Variants in EPHA5 observed in about 807,000 individuals in gnomAD.
The protein encoded by EPHA5 is ephrin type-A receptor 5.
A neutral mutation model predicts 105.0 loss-of-function variants in EPHA5; 60 were observed. The ratio of observed to expected loss-of-function variants is 0.57; its 90% CI spans 0.46 to 0.71. EPHA5 has a LOEUF of 0.71. Ranked by LOEUF, EPHA5 falls within the 30% of genes least tolerant of loss-of-function variation. The probability of loss-of-function intolerance (pLI) is 0.00; values close to 1 mark genes in which losing one functional copy is unlikely to be tolerated. For synonymous variants in EPHA5, 513 were observed against 449.1 expected (o/e 1.14, Z -1.80); for missense variants, 1,218 against 1,274.7 (o/e 0.96, Z 0.68).
At chr4:65,503,326 AGG>A (rs1560616079) in intron 3 of EPHA5, among the ~76,000 whole-genome samples, 1 of 151,674 alleles carries the variant, frequency 6.6e-6, no homozygotes, top group African/African-American at 2.4e-5. Context: ...AGTTGTTATT[AGG>A]TTAAAACATT....
chr4:65,465,632 CA>C (rs1205537317), intron 5 of EPHA5, among the ~76,000 whole-genome samples: 1 of 151,672 alleles, frequency 6.6e-6, no homozygotes, highest in Non-Finnish European at 1.5e-5. Flanking sequence ...AAGAGCTCAC[CA>C]AACAAAAAGC....
intron 12 of EPHA5, 99 bp from the exon 13 acceptor site, chr4:65,351,697 G>A (rs1019222625): frequency 4.9e-6 from 5 of 1,029,718 alleles, no homozygotes; most frequent in South Asian, 4.6e-5. Context: ...ACTATCAGTC[G>A]CTAAAATTCA....
intron 7 of EPHA5, among the ~76,000 whole-genome samples, chr4:65,407,664 TTTTG>T (rs1234934981): frequency 5.3e-5 from 8 of 151,156 alleles, no homozygotes; most frequent in African/African-American, 1.9e-4. Flanking sequence ...AAGAATATAT[TTTTG>T]TTTATTATTT....
chr4:65,326,609 A>C (rs573013358), intron 16 of EPHA5, among the ~76,000 whole-genome samples: 1 of 151,428 alleles, frequency 6.6e-6, no homozygotes, highest in Admixed American at 6.6e-5. Context: ...TTCACTAGCA[A>C]ACTGGATCAC....
intron 3 of EPHA5, among the ~76,000 whole-genome samples, chr4:65,541,854 C>A (rs1055017916): frequency 7.9e-5 from 12 of 152,108 alleles, no homozygotes; most frequent in African/African-American, 2.6e-4. Context: ...AAACACTCCT[C>A]AGCAAATGCA....
intron 15 of EPHA5, among the ~76,000 whole-genome samples, chr4:65,333,406 A>G (rs1245092471): frequency 6.6e-6 from 1 of 151,512 alleles, no homozygotes; most frequent in African/African-American, 2.4e-5. Flanking sequence ...CACTTTTCAA[A>G]CTACAAAATG....
intron 1 of EPHA5, among the ~76,000 whole-genome samples, chr4:65,657,565 G>T (rs1382270015): frequency 6.6e-6 from 1 of 152,026 alleles, no homozygotes; most frequent in South Asian, 2.1e-4. Flanking sequence ...AACTCGCTTT[G>T]GTTGGCAAAT....
At chr4:65,649,237 C>T (rs938663979) in intron 1 of EPHA5, among the ~76,000 whole-genome samples, 1 of 152,170 alleles carries the variant, frequency 6.6e-6, no homozygotes, top group Non-Finnish European at 1.5e-5. Flanking sequence ...TAGTAACAGA[C>T]CATGAGCACT....
intron 3 of EPHA5, among the ~76,000 whole-genome samples, chr4:65,521,987 T>A (rs1329861177): frequency 1.3e-5 from 2 of 151,982 alleles, no homozygotes; most frequent in African/African-American, 4.8e-5. Context: ...ACTTTTCCCT[T>A]CACTTTACAT....
chr4:65,421,982 C>T lies in EPHA5; in HGVS notation c.1403-1417G>A, dbSNP rs371531262. Among the ~76,000 whole-genome samples, 14 of 152,162 alleles carry T rather than the reference C, an allele frequency of 9.2e-5. No homozygotes were observed. In the East Asian group the frequency reaches 2.7e-3, roughly 29 times the overall value. On this transcript the variant is annotated intron_variant, in intron 5 of 16. Transcript: ENST00000613740. The stretch of plus-strand genomic sequence containing the variant: ...TTAATCAGTTCTTCAATAAAATAAT[C>T]ATTTGTGGGTAAAGACAACAAATAA...
At chr4:65,533,893 A>G (rs1736053143) in intron 3 of EPHA5, among the ~76,000 whole-genome samples, 2 of 151,938 alleles carry the variant, frequency 1.3e-5, no homozygotes, top group East Asian at 1.9e-4. Context: ...GAGATCCCTC[A>G]TTGCACTCCA....
At chr4:65,380,472 T>C (rs937430560) in intron 8 of EPHA5, among the ~76,000 whole-genome samples, 1 of 151,688 alleles carries the variant, frequency 6.6e-6, no homozygotes, top group Non-Finnish European at 1.5e-5. Flanking sequence ...TGATTATTCA[T>C]CTAGGGAAGG....
chr4:65,506,410 C>T (rs1192835948), intron 3 of EPHA5, among the ~76,000 whole-genome samples: 2 of 145,476 alleles, frequency 1.4e-5, no homozygotes, highest in African/African-American at 5.1e-5. Flanking sequence ...TTCTAGATCC[C>T]TGAGGAATCG....
At chr4:65,421,000 A>G (rs1268785753) in intron 5 of EPHA5, among the ~76,000 whole-genome samples, 1 of 152,050 alleles carries the variant, frequency 6.6e-6, no homozygotes, top group Non-Finnish European at 1.5e-5. Flanking sequence ...TTGAAATTAC[A>G]TGGATCCTAA....
At chr4:65,407,329 G>A (rs79427016) in intron 7 of EPHA5, among the ~76,000 whole-genome samples, 2,528 of 152,116 alleles carry the variant, frequency 0.017, 59 homozygotes, top group African/African-American at 0.057. Context: ...TAAAAACAGA[G>A]TAACTTCAGA....
At chr4:65,613,045 T>C (rs1744918003) in intron 2 of EPHA5, among the ~76,000 whole-genome samples, 1 of 152,130 alleles carries the variant, frequency 6.6e-6, no homozygotes, top group Non-Finnish European at 1.5e-5. Context: ...TTGGGTCCAT[T>C]TTAATAGACA....
intron 8 of EPHA5, among the ~76,000 whole-genome samples, chr4:65,403,784 G>A (rs1044091999): frequency 3.3e-5 from 5 of 151,896 alleles, no homozygotes; most frequent in African/African-American, 1.2e-4. Context: ...TATCTATTTA[G>A]ATAATATTTA....
intron 5 of EPHA5, among the ~76,000 whole-genome samples, chr4:65,429,955 A>G (rs1724820151): frequency 6.6e-6 from 1 of 152,070 alleles, no homozygotes; most frequent in Admixed American, 6.6e-5. Flanking sequence ...TAACAGCAAC[A>G]TGACAGCCTG....
chr4:65,650,244 A>G (rs2149526604), intron 1 of EPHA5, among the ~76,000 whole-genome samples: 1 of 152,172 alleles, frequency 6.6e-6, no homozygotes, highest in Middle Eastern at 3.4e-3. Flanking sequence ...AACGAGTGCA[A>G]TGCCATATAA....
Sources: gnomAD v4.1 joint callset for allele counts (sites outside exome capture counted in the v4.1 genomes callset) on GRCh38, gnomAD v4.1.1 for gene constraint, MANE v1.5 for transcripts, NCBI Gene and HGNC (gene_info 2026-07-23, HGNC 2026-07-21) for gene names.